The following CDC14A variants were observed in gnomAD, a reference collection of about 807,000 sequenced individuals.
CDC14A encodes the protein cell division cycle 14A, also known as dual specificity protein phosphatase CDC14A.
Under a neutral mutation model 74.4 loss-of-function variants are expected in CDC14A, and 53 were observed. The ratio of observed to expected loss-of-function variants is 0.71; its 90% CI spans 0.57 to 0.89. CDC14A has a LOEUF of 0.89. Ranked by LOEUF, CDC14A falls within the 40% of genes least tolerant of loss-of-function variation. CDC14A has a pLI of 0.00. For synonymous variants in CDC14A, 247 were observed against 258.4 expected, an observed-to-expected ratio of 0.96 and a Z score of 0.43; for missense variants, 646 against 713.7, an observed-to-expected ratio of 0.91 and a Z score of 1.08.
chr1:100,499,723 A>G (rs1648487107), intron 15 of CDC14A, among the ~76,000 whole-genome samples: 1 of 152,178 alleles, frequency 6.6e-6, no homozygotes, highest in African/African-American at 2.4e-5. Flanking sequence ...ATTTTGGAGT[A>G]TTGAAACGTG....
intron 10 of CDC14A, among the ~76,000 whole-genome samples, chr1:100,476,818 G>A (rs1295680154): frequency 1.3e-5 from 2 of 152,100 alleles, no homozygotes; most frequent in African/African-American, 4.8e-5. Context: ...CTGTGAACCA[G>A]CTGTGAATGT....
chr1:100,436,884 C>G (rs771487986), intron 5 of CDC14A, among the ~76,000 whole-genome samples: 4 of 152,280 alleles, frequency 2.6e-5, no homozygotes, highest in Non-Finnish European at 4.4e-5. Context: ...AAAACAAAAG[C>G]CTTTAAAAAT....
chr1:100,437,433 C>A (rs1263726402), intron 5 of CDC14A, among the ~76,000 whole-genome samples: 1 of 152,166 alleles, frequency 6.6e-6, no homozygotes, highest in Admixed American at 6.5e-5. Context: ...ATTAAATGCG[C>A]TATGCATATA....
intron 10 of CDC14A, among the ~76,000 whole-genome samples, chr1:100,478,924 G>T (rs1669186311): frequency 6.6e-6 from 1 of 152,150 alleles, no homozygotes; most frequent in East Asian, 1.9e-4. Flanking sequence ...TGATTCAGCA[G>T]GTCTGAGGTG....
chr1:100,456,690 A>G (rs1351149851), intron 8 of CDC14A, among the ~76,000 whole-genome samples: 2 of 152,068 alleles, frequency 1.3e-5, no homozygotes, highest in African/African-American at 2.4e-5. Flanking sequence ...TCTAGAATCT[A>G]GTTTCATTGT....
intron 2 of CDC14A, among the ~76,000 whole-genome samples, chr1:100,360,583 G>T (rs1652622988): frequency 6.6e-6 from 1 of 151,978 alleles, no homozygotes; most frequent in Non-Finnish European, 1.5e-5. Context: ...GGCCTTAAGT[G>T]ATCTGCCTGC....
chr1:100,399,463 G>A (rs1415514131), intron 4 of CDC14A, among the ~76,000 whole-genome samples: 3 of 151,940 alleles, frequency 2.0e-5, no homozygotes, highest in Non-Finnish European at 4.4e-5. Flanking sequence ...TACTAAATTT[G>A]GTATTATGTG....
chr1:100,461,712 G>A lies in CDC14A; in HGVS notation c.608-939G>A, dbSNP rs549475435. Among the ~76,000 whole-genome samples, 6 of 152,262 alleles carry A rather than the reference G, an allele frequency of 3.9e-5. No homozygotes were observed. In the East Asian group the frequency reaches 9.6e-4, roughly 24 times the overall value. On this transcript the variant is annotated intron_variant, in intron 8 of 15. Transcript: ENST00000336454. ...CCAGGAATACTCACATGATGGTGGA[G>A]CCACTCAAAAATAAAAGGGGATTTA...
intron 8 of CDC14A, among the ~76,000 whole-genome samples, chr1:100,460,903 T>C (rs1335659670): frequency 6.6e-6 from 1 of 152,162 alleles, no homozygotes; most frequent in Non-Finnish European, 1.5e-5. Context: ...AAGGCAGTTT[T>C]TGGAATATGT....
intron 15 of CDC14A, among the ~76,000 whole-genome samples, chr1:100,517,101 A>G (rs1347294217): frequency 6.6e-6 from 1 of 152,250 alleles, no homozygotes; most frequent in Non-Finnish European, 1.5e-5. Context: ...GTCAGGGACC[A>G]TAACTCTTTG....
chr1:100,453,192 T>C (rs908665026), intron 7 of CDC14A, among the ~76,000 whole-genome samples: 1 of 152,136 alleles, frequency 6.6e-6, no homozygotes, highest in Non-Finnish European at 1.5e-5. Flanking sequence ...CTTTTGGTTC[T>C]GTGAATGAAT....
intron 4 of CDC14A, among the ~76,000 whole-genome samples, chr1:100,392,499 C>T (rs1000096285): frequency 4.6e-5 from 7 of 150,846 alleles, no homozygotes; most frequent in South Asian, 4.2e-4. Context: ...TATTCATATT[C>T]GTCTGGTTTA....
At chr1:100,462,472 T>G (rs1667405256) in intron 8 of CDC14A, 179 bp from the exon 9 acceptor site, 1 of 595,144 alleles carries the variant, frequency 1.7e-6, no homozygotes, top group Admixed American at 3.0e-5. Flanking sequence ...CCTCCTGTGG[T>G]GCTTACAGTT....
chr1:100,493,372 T>C (rs1174451235), intron 11 of CDC14A, among the ~76,000 whole-genome samples: 1 of 152,196 alleles, frequency 6.6e-6, no homozygotes, highest in Admixed American at 6.5e-5. Flanking sequence ...TCCCAGCACG[T>C]TGAGTGCTTA....
chr1:100,484,553 A>G (rs536152354), intron 11 of CDC14A, 102 bp downstream of exon 11: 2 of 1,356,442 alleles, frequency 1.5e-6, no homozygotes, highest in East Asian at 2.7e-5. Flanking sequence ...TCTGGATGCC[A>G]CGAGTACCAA....
At chr1:100,420,059 C>CATAT (rs1324396801) in intron 4 of CDC14A, among the ~76,000 whole-genome samples, 275 of 24,306 alleles carry the variant, frequency 0.011, 9 homozygotes, top group Admixed American at 0.081. Flanking sequence ...CACACACACA[C>CATAT]ACACATATAT....
chr1:100,491,572 A>ATATATATATATATT (rs1418515078), intron 11 of CDC14A, among the ~76,000 whole-genome samples: 5 of 25,104 alleles, frequency 2.0e-4, no homozygotes, highest in Non-Finnish European at 3.6e-4. Context: ...ATATATATAT[A>ATATATATATATATT]TTTTTTTTTT....
intron 11 of CDC14A, among the ~76,000 whole-genome samples, chr1:100,487,144 A>G (rs1326877051): frequency 1.3e-5 from 2 of 152,214 alleles, no homozygotes; most frequent in African/African-American, 2.4e-5. Context: ...CTTGAGATTG[A>G]CTTTTAAAAA....
At chr1:100,439,421 C>T (rs1044857492) in intron 5 of CDC14A, among the ~76,000 whole-genome samples, 4 of 152,148 alleles carry the variant, frequency 2.6e-5, no homozygotes, top group Non-Finnish European at 5.9e-5. Flanking sequence ...TGCCAGAATA[C>T]CTCTTGCAAT....
Sources: gnomAD v4.1 joint callset for allele counts (sites outside exome capture counted in the v4.1 genomes callset) on GRCh38, gnomAD v4.1.1 for gene constraint, MANE v1.5 for transcripts, NCBI Gene and HGNC (gene_info 2026-07-23, HGNC 2026-07-21) for gene names.